ISLR2: variants seen among roughly 807,000 people sequenced by gnomAD.
The protein encoded by ISLR2 is immunoglobulin superfamily containing leucine-rich repeat protein 2.
ISLR2 carries 16 observed loss-of-function variants against 25.5 expected under a neutral mutation model. The ratio of observed to expected loss-of-function variants is 0.63; its 90% CI spans 0.43 to 0.95. The LOEUF is 0.95. Among genes scored for constraint, ISLR2 ranks in the 40% least tolerant of loss-of-function variants. The pLI is 0.00. For missense variants in ISLR2, 883 were observed against 1,030.7 expected, an observed-to-expected ratio of 0.86 and a Z score of 1.96; for synonymous variants, 508 against 486.6, an observed-to-expected ratio of 1.04 and a Z score of -0.58.
chr15:74,103,613 CTG>C (rs1212790711), intron 1 of ISLR2, among the ~76,000 whole-genome samples: 1 of 127,572 alleles, frequency 7.8e-6, no homozygotes, highest in Non-Finnish European at 1.6e-5. Flanking sequence ...GAGTGAGACT[CTG>C]TCCCAAAGAA....
At chr15:74,137,655 A>T (rs1052469594), downstream of ISLR2, among the ~76,000 whole-genome samples, 2 of 152,212 alleles carry the variant, frequency 1.3e-5, no homozygotes, top group African/African-American at 4.8e-5. Context: ...TCCCCCTAAG[A>T]TGGGAAGAGG....
chr15:74,138,351 A>G (rs2141969660), downstream of ISLR2: 1 of 148,818 alleles, frequency 6.7e-6, no homozygotes. Flanking sequence ...ACTGGTATAG[A>G]AAGTGGTGAG....
chr15:74,132,683 A>G lies in ISLR2; in HGVS notation c.-8-64A>G. 6.5e-7 allele frequency: 1 copy of G among 1,540,186 alleles called. No individual in the cohort carries two copies. Among genetic ancestry groups the G allele is most frequent in the Non-Finnish European group, 8.8e-7 (1 of 1,142,824 alleles). ...CGGGCTTGCGGAGGCACAGCTTGAT[A>G]GGGGAGGTAAGCTGGGGTTCAGTGA... On this transcript the variant is annotated intron_variant, in intron 2 of 2. Coordinates refer to ENST00000453268, the MANE Select transcript of ISLR2 (RefSeq NM_020851.3). The surrounding 1 kb of genome is among the most constrained non-coding windows in gnomAD (Gnocchi z 4.3).
At position 74,133,997 on chromosome 15, in the gene ISLR2, G is replaced by C. The variant is rs1291945200; in HGVS notation, c.1243G>C (p.Gly415Arg). The change falls in exon 3 of 3, where the codon GGC (glycine) becomes CGC (arginine). Residue 415 changes from glycine (G) to arginine (R), a missense_variant. Physicochemically the swap from Gly to Arg is moderately radical, Grantham distance 125. Around this residue, in one of 2 missense-constraint regions of ISLR2, gnomAD observed 612 missense variants for 642.8 expected, o/e 0.95. Transcript: ENST00000453268. ...CAGCGTCCTGCCTTCCAAACCCGAG[G>C]GCAAAATCAAAGGCCAAGGCCTGGC... ...GNSVLPSKPE[G>R]KIKGQGLAKV... 1.2e-6 allele frequency: 2 copies of C among 1,612,430 alleles called. No homozygotes were observed. Among genetic ancestry groups the C allele is most frequent in the Non-Finnish European group, 1.7e-6 (2 of 1,179,358 alleles).
Position 74,134,085 on chromosome 15 carries a change from A to G in ISLR2, c.1331A>G (p.Glu444Gly), listed in dbSNP as rs867329581. Residue 444 changes from glutamate (E) to glycine (G), a missense_variant, in exon 3 of 3, where the codon GAG becomes GGG. This residue lies in a region of ISLR2 where 612 missense variants were observed against 642.8 expected (regional missense o/e 0.95). Coordinates refer to ENST00000453268, the MANE Select transcript of ISLR2 (RefSeq NM_020851.3). Reference sequence around the variant, plus strand: ...GAGGAGGACACAAGTGAGGGAGAGGAGGCCGAAGACCAGATCCTCGCGGAC... The same window carrying G: ...GAGGAGGACACAAGTGAGGGAGAGGGGGCCGAAGACCAGATCCTCGCGGAC... ...EPEEDTSEGEEAEDQILADPA... is the reference protein window; with the variant it reads ...EPEEDTSEGEGAEDQILADPA... 6.2e-7 allele frequency: 1 copy of G among 1,613,648 alleles called. No individual in the cohort carries two copies. Among genetic ancestry groups the G allele is most frequent in the Non-Finnish European group, 8.5e-7 (1 of 1,179,858 alleles).
intron 2 of ISLR2, among the ~76,000 whole-genome samples, chr15:74,114,890 G>A (rs901530235): frequency 2.6e-5 from 4 of 152,152 alleles, no homozygotes; most frequent in Non-Finnish European, 5.9e-5. Flanking sequence ...TTGGTGGATT[G>A]AGGAGACAGA....
rs2072555886 is a variant in ISLR2, at chr15:74,135,803, CCT to C, written c.*813_*814del. The C allele has an allele frequency of 6.0e-6, 1 of 166,358 alleles. No homozygotes were observed. Among genetic ancestry groups the C allele is most frequent in the Admixed American group, 6.5e-5 (1 of 15,278 alleles). 10.3% of individuals were successfully genotyped at this position (166,358 alleles called of 1,614,324 possible). On this transcript the variant is annotated 3_prime_UTR_variant, in exon 3 of 3. Coordinates refer to ENST00000453268, the MANE Select transcript of ISLR2 (RefSeq NM_020851.3). ...CAGGCGTGAGGCACCGCGCCCGGCCCCTCCTCCCTTTCAATCCCTACTCCCAG... is the reference window on the plus strand; with the variant it reads ...CAGGCGTGAGGCACCGCGCCCGGCCCCCTCCCTTTCAATCCCTACTCCCAG...
Position 74,136,093 on chromosome 15 carries a change from G to A in ISLR2, c.*1101G>A. 6.0e-6 allele frequency: 1 copy of A among 166,780 alleles called. No individual in the cohort carries two copies. The allele number at this position is 166,780 out of a possible 1,614,324, so 10.3% of individuals were successfully genotyped here. On this transcript the variant is annotated 3_prime_UTR_variant, in exon 3 of 3. Coordinates refer to ENST00000453268, the MANE Select transcript of ISLR2 (RefSeq NM_020851.3). ...GTGTGTCGGGGGGTAGGGAGGGAAT[G>A]CGTTTTCTGTCGTCTCTCTCCTAAC...
chr15:74,131,619 G>C (rs1480047396), intron 2 of ISLR2, among the ~76,000 whole-genome samples: 2 of 152,210 alleles, frequency 1.3e-5, no homozygotes, highest in East Asian at 3.8e-4. Context: ...CAGAGCTGTG[G>C]AGAAAGGCGC....
chr15:74,117,832 AC>A (rs1336761275), intron 2 of ISLR2, among the ~76,000 whole-genome samples: 1 of 152,208 alleles, frequency 6.6e-6, no homozygotes, highest in Non-Finnish European at 1.5e-5. Flanking sequence ...TAAGTTAATT[AC>A]ATCCACCTTG....
chr15:74,122,529 T>C (rs1237875086), intron 2 of ISLR2, among the ~76,000 whole-genome samples: 1 of 152,248 alleles, frequency 6.6e-6, no homozygotes, highest in Non-Finnish European at 1.5e-5. Flanking sequence ...ACATTGAGAC[T>C]GTGCCTGAAA....
At position 74,132,901 on chromosome 15, in the gene ISLR2, G is replaced by A; in HGVS notation, c.147G>A (p.Leu49=). Residue 49 remains leucine, a synonymous_variant, in exon 3 of 3, where the codon CTG becomes CTA. Transcript: ENST00000453268. The surrounding 1 kb of genome is among the most constrained non-coding windows in gnomAD (Gnocchi z 4.3). Reference sequence around the variant, plus strand: ...AGTTGCGTGAGGTGCCGGAAGGACTGCCTGCCAACGTGACGACGCTTAGTC... The same window carrying A: ...AGTTGCGTGAGGTGCCGGAAGGACTACCTGCCAACGTGACGACGCTTAGTC... ...YKELREVPEG[L]PANVTTLSLS... is the part of the protein sequence containing the mutation. The A allele has an allele frequency of 2.5e-6, 4 of 1,614,102 alleles. No individual in the cohort carries two copies. The South Asian group carries it at 3.3e-5, about 13-fold the overall frequency.
At chr15:74,106,155 A>C (rs2072118149) in intron 2 of ISLR2, among the ~76,000 whole-genome samples, 1 of 152,106 alleles carries the variant, frequency 6.6e-6, no homozygotes, top group Non-Finnish European at 1.5e-5. Context: ...CGTGCCACTG[A>C]ATTGCAGCCT....
intron 1 of ISLR2, among the ~76,000 whole-genome samples, chr15:74,102,355 T>A (rs888182346): frequency 1.5e-5 from 2 of 129,380 alleles, no homozygotes; most frequent in Non-Finnish European, 3.2e-5. Context: ...ATCTTAAGAG[T>A]ATTTGAAAAA....
rs533773399 is a variant in ISLR2, at chr15:74,136,579, G to A, written c.*1587G>A. ...GGCGGGCGGGGGGGCGGATGGGCGG[G>A]GAGGGAGGGAAGGGGAGGGGCGCGG... On this transcript the variant is annotated 3_prime_UTR_variant, in exon 3 of 3. Coordinates refer to ENST00000453268, the MANE Select transcript of ISLR2 (RefSeq NM_020851.3). 89 of 155,720 alleles carry A rather than the reference G, an allele frequency of 5.7e-4. 1 individual carries two copies. Among genetic ancestry groups the A allele is most frequent in the African/African-American group, 2.0e-3 (83 of 41,464 alleles). 9.6% of individuals were successfully genotyped at this position (155,720 alleles called of 1,614,324 possible).
At chr15:74,118,240 T>G (rs1455973204) in intron 2 of ISLR2, among the ~76,000 whole-genome samples, 1 of 152,144 alleles carries the variant, frequency 6.6e-6, no homozygotes, top group African/African-American at 2.4e-5. Flanking sequence ...CAGCAAGTTT[T>G]TATTAGTGAT....
intron 2 of ISLR2, among the ~76,000 whole-genome samples, chr15:74,118,247 T>C (rs1396030444): frequency 6.6e-6 from 1 of 152,128 alleles, no homozygotes; most frequent in African/African-American, 2.4e-5. Context: ...TTTTTATTAG[T>C]GATTTTCAAA....
At chr15:74,112,840 T>A (rs1296221313) in intron 2 of ISLR2, among the ~76,000 whole-genome samples, 1 of 150,770 alleles carries the variant, frequency 6.6e-6, no homozygotes, top group Non-Finnish European at 1.5e-5. Flanking sequence ...TTTTTTTTTT[T>A]TTTTTGAGAC....
In ISLR2 at chr15:74,135,329, G is replaced by A. The variant is rs74023417; in HGVS notation, c.*337G>A. 3.6e-3 allele frequency: 1,040 copies of A among 287,474 alleles called. 12 individuals are homozygous for A. The highest frequency in any genetic ancestry group is 0.021 in the African/African-American group (985 of 46,896). The allele number at this position is 287,474 out of a possible 1,614,324, so 17.8% of individuals were successfully genotyped here. On this transcript the variant is annotated 3_prime_UTR_variant, in exon 3 of 3. Coordinates refer to ENST00000453268, the MANE Select transcript of ISLR2 (RefSeq NM_020851.3). Reference sequence around the variant, plus strand: ...GATTATCTGCGAAATCCACCCCGCAGCCCGCCCCACCGTGGGCTCTGGAGC... The same window carrying A: ...GATTATCTGCGAAATCCACCCCGCAACCCGCCCCACCGTGGGCTCTGGAGC...
Sources: gnomAD v4.1 joint callset for allele counts (sites outside exome capture counted in the v4.1 genomes callset) on GRCh38, gnomAD v4.1.1 for gene constraint, gnomAD v4.1.1 regional missense constraint, Gnocchi (gnomAD v3.1) non-coding constraint, MANE v1.5 for transcripts, NCBI Gene and HGNC (gene_info 2026-07-23, HGNC 2026-07-21) for gene names.